Variants in TMEM87B observed in about 807,000 individuals in gnomAD.
TMEM87B encodes the protein transmembrane protein 87B.
A neutral mutation model predicts 80.3 loss-of-function variants in TMEM87B; 83 were observed. That is an observed-to-expected ratio of 1.03 (90% confidence interval 0.87 to 1.24). TMEM87B has a LOEUF of 1.24. TMEM87B is among the 50% of genes most tolerant of loss of function. TMEM87B has a pLI of 0.00. For missense variants in TMEM87B, 625 were observed against 674.4 expected (o/e 0.93, Z 0.81); for synonymous variants, 219 against 230.5 (o/e 0.95, Z 0.45).
At chr2:112,070,325 T>A (rs1371256657) in intron 4 of TMEM87B, among the ~76,000 whole-genome samples, 1 of 152,242 alleles carries the variant, frequency 6.6e-6, no homozygotes, top group Admixed American at 6.5e-5. Context: ...ATTTAACTCT[T>A]TAATCCATCT....
rs530894801 is a variant in TMEM87B at position 112,107,608 on chromosome 2, G to A, written c.1525-180G>A. On this transcript the variant is annotated intron_variant, in intron 16 of 18. Transcript: ENST00000283206. Reference sequence around the variant, plus strand: ...TAGAAATCTGAAATCTAATTTTTGCGTGTGTAAGAAAACAGTGGCATAATT... The same window carrying A: ...TAGAAATCTGAAATCTAATTTTTGCATGTGTAAGAAAACAGTGGCATAATT... Among the ~76,000 whole-genome samples the A allele has an allele frequency of 6.6e-4, 101 of 152,084 alleles. 1 individual carries two copies. The Middle Eastern group carries it at 0.01, about 15-fold the overall frequency.
At chr2:112,086,256 C>T (rs1679143370) in intron 9 of TMEM87B, 152 bp downstream of exon 9, 3 of 544,750 alleles carry the variant, frequency 5.5e-6, no homozygotes, top group South Asian at 3.3e-5. Flanking sequence ...AAGATTTCCA[C>T]ATACTTGCTA....
chr2:112,109,287 T>C lies in TMEM87B; in HGVS notation c.1577+1447T>C, dbSNP rs138481465. On this transcript the variant is annotated intron_variant, in intron 17 of 18. Transcript: ENST00000283206. ...TGTATATATTCTTTTATATTTCCCA[T>C]GTATTTACTTTTTCTTCTTTCTTTC... 1.0e-3 allele frequency among the ~76,000 whole-genome samples: 157 copies of C among 152,346 alleles called. 1 individual carries two copies. The highest frequency in any genetic ancestry group is 3.7e-3 in the African/African-American group (155 of 41,592).
At chr2:112,112,847 C>T (rs1679954473) in intron 17 of TMEM87B, 52 bp from the exon 18 acceptor site, 3 of 1,569,020 alleles carry the variant, frequency 1.9e-6, no homozygotes, top group Admixed American at 3.4e-5. Context: ...TTCGTGGATA[C>T]ACTGGCCTTA....
rs1055843156 is a variant in TMEM87B, at chr2:112,113,027, T to C, written c.1608+98T>C. 9 of 1,149,610 alleles carry C rather than the reference T, an allele frequency of 7.8e-6. No homozygotes were observed. In the Admixed American group the frequency reaches 1.3e-4, roughly 16 times the overall value. The allele number at this position is 1,149,610 out of a possible 1,614,324, so 71.2% of individuals were successfully genotyped here. A position where few individuals can be genotyped will look rare whatever the true frequency, so the allele number is the denominator to read the frequency against. Reference sequence around the variant, plus strand: ...TCTGAAAGCTACTTTTTAAGATTATTATAAATTGAACAGACAGAAAGATGC... The same window carrying C: ...TCTGAAAGCTACTTTTTAAGATTATCATAAATTGAACAGACAGAAAGATGC... On this transcript the variant is annotated intron_variant, in intron 18 of 18. Transcript: ENST00000283206.
chr2:112,106,804 T>C (rs1252045407), intron 16 of TMEM87B, among the ~76,000 whole-genome samples: 8 of 152,236 alleles, frequency 5.3e-5, no homozygotes, highest in Non-Finnish European at 1.2e-4. Flanking sequence ...ATAGATAATA[T>C]GTGAAGACAT....
At chr2:112,080,534 C>T (rs1678963831) in intron 6 of TMEM87B, among the ~76,000 whole-genome samples, 1 of 152,230 alleles carries the variant, frequency 6.6e-6, no homozygotes, top group Non-Finnish European at 1.5e-5. Flanking sequence ...GCTGGGATTA[C>T]AGGGGTGAGC....
chr2:112,069,365 C>A (rs1040838581), intron 4 of TMEM87B, among the ~76,000 whole-genome samples: 2 of 152,154 alleles, frequency 1.3e-5, no homozygotes, highest in Non-Finnish European at 2.9e-5. Context: ...CTGTTCCCCT[C>A]TTTGTGTCCA....
At chr2:112,068,067 A>G (rs903780146) in intron 4 of TMEM87B, among the ~76,000 whole-genome samples, 1 of 152,144 alleles carries the variant, frequency 6.6e-6, no homozygotes, top group Non-Finnish European at 1.5e-5. Context: ...ACAAAAAATT[A>G]GCTGGGTGTG....
At chr2:112,102,550 C>T (rs776057012) in intron 15 of TMEM87B, among the ~76,000 whole-genome samples, 3 of 151,742 alleles carry the variant, frequency 2.0e-5, no homozygotes, top group African/African-American at 4.8e-5. Context: ...AAAAATTAGC[C>T]GGGCGTGGTG....
chr2:112,064,514 C>A (rs536704028), intron 3 of TMEM87B, among the ~76,000 whole-genome samples: 1 of 152,202 alleles, frequency 6.6e-6, no homozygotes, highest in Admixed American at 6.5e-5. Flanking sequence ...CGCATACATA[C>A]AAATAAATGC....
chr2:112,099,552 A>G (rs956112268), intron 14 of TMEM87B, among the ~76,000 whole-genome samples: 2 of 70,732 alleles, frequency 2.8e-5, no homozygotes, highest in African/African-American at 1.3e-4. Context: ...ATATATATAT[A>G]TATACACACA....
At chr2:112,070,744 G>A (rs1392162079) in intron 4 of TMEM87B, among the ~76,000 whole-genome samples, 1 of 152,076 alleles carries the variant, frequency 6.6e-6, no homozygotes, top group Non-Finnish European at 1.5e-5. Context: ...GAATAGCATT[G>A]AATCTGTAAG....
At chr2:112,056,084 T>C (rs1211302399) in intron 1 of TMEM87B, among the ~76,000 whole-genome samples, 1 of 152,120 alleles carries the variant, frequency 6.6e-6, no homozygotes, top group East Asian at 1.9e-4. Context: ...CAGGAATCTC[T>C]CGGCACATCT....
In TMEM87B at chr2:112,100,706, T is replaced by A; in HGVS notation, c.1450+11T>A. ...CTTCTGAAAATTTAAGTGAGTAATATGTTTTCTTTTTAAATGACCATTGTA... is the reference window on the plus strand; with the variant it reads ...CTTCTGAAAATTTAAGTGAGTAATAAGTTTTCTTTTTAAATGACCATTGTA... On this transcript the variant is annotated intron_variant, in intron 15 of 18. Transcript: ENST00000283206. 1 of 1,552,564 alleles carries A rather than the reference T, an allele frequency of 6.4e-7. No homozygotes were observed. The highest frequency in any genetic ancestry group is 8.9e-7 in the Non-Finnish European group (1 of 1,126,262).
intron 18 of TMEM87B, 79 bp downstream of exon 18, chr2:112,113,008 AGC>A: frequency 1.5e-6 from 2 of 1,331,400 alleles, no homozygotes; most frequent in Non-Finnish European, 2.1e-6. Context: ...AAGTTCTGAA[AGC>A]TACTTTTTAA....
At chr2:112,058,151 C>T (rs1678139423) in intron 1 of TMEM87B, among the ~76,000 whole-genome samples, 1 of 152,150 alleles carries the variant, frequency 6.6e-6, no homozygotes, top group Non-Finnish European at 1.5e-5. Flanking sequence ...TGGATAAGTA[C>T]TACCTTGATG....
chr2:112,073,948 A>G (rs1678734496), intron 4 of TMEM87B, among the ~76,000 whole-genome samples: 1 of 152,118 alleles, frequency 6.6e-6, no homozygotes, highest in Admixed American at 6.5e-5. Flanking sequence ...TTTGCTTGGT[A>G]GATTTTTCTC....
At chr2:112,083,852 T>C (rs1269332673) in intron 8 of TMEM87B, among the ~76,000 whole-genome samples, 1 of 152,200 alleles carries the variant, frequency 6.6e-6, no homozygotes, top group Non-Finnish European at 1.5e-5. Context: ...GATGTGAGGC[T>C]GGCCAGGGTC....
Sources: gnomAD v4.1 joint callset for allele counts (sites outside exome capture counted in the v4.1 genomes callset) on GRCh38, gnomAD v4.1.1 for gene constraint, MANE v1.5 for transcripts, NCBI Gene and HGNC (gene_info 2026-07-23, HGNC 2026-07-21) for gene names.